The following ENOX2 variants were observed in gnomAD, a reference collection of about 807,000 sequenced individuals.
ENOX2 encodes the protein APK1 antigen.
In ENOX2, 36 loss-of-function variants were observed where a neutral mutation model predicts 45.0. That is an observed-to-expected ratio of 0.80 (90% CI 0.61 to 1.06). ENOX2 has a LOEUF of 1.06. Among genes scored for constraint, ENOX2 ranks in the 50% least tolerant of loss-of-function variants. The pLI is 0.00. For synonymous variants in ENOX2, 174 were observed against 152.3 expected, an observed-to-expected ratio of 1.14 and a Z score of -1.05; for missense variants, 423 against 462.5, an observed-to-expected ratio of 0.91 and a Z score of 0.78.
At chrX:130,751,096 T>A (rs967437397) in intron 3 of ENOX2, among the ~76,000 whole-genome samples, 1 of 111,702 alleles carries the variant, frequency 9.0e-6, no homozygotes, top group Non-Finnish European at 1.9e-5. Context: ...TGGAATTAAG[T>A]ACATTCACAC....
At chrX:130,825,417 G>A (rs1472909546) in intron 2 of ENOX2, among the ~76,000 whole-genome samples, 1 of 111,077 alleles carries the variant, frequency 9.0e-6, no homozygotes, top group Non-Finnish European at 1.9e-5. Context: ...CATTAGGGAA[G>A]GGCACAAAGT....
intron 3 of ENOX2, among the ~76,000 whole-genome samples, chrX:130,770,148 C>G (rs1354614652): frequency 1.8e-5 from 2 of 111,707 alleles, no homozygotes; most frequent in Non-Finnish European, 3.8e-5. Flanking sequence ...TAGCACATAC[C>G]AGATTCCACA....
intron 2 of ENOX2, among the ~76,000 whole-genome samples, chrX:130,794,872 G>A (rs1569502947): frequency 8.9e-6 from 1 of 111,950 alleles, no homozygotes; most frequent in Non-Finnish European, 1.9e-5. Flanking sequence ...CAATCACTAT[G>A]CTACAATTTT....
At chrX:130,627,923 A>AT in intron 14 of ENOX2, 35 bp downstream of exon 14, 1 of 1,017,895 alleles carries the variant, frequency 9.8e-7, no homozygotes, top group Non-Finnish European at 1.4e-6. Context: ...AAAATCCCAC[A>AT]TCCCCTTGCA....
intron 1 of ENOX2, among the ~76,000 whole-genome samples, chrX:130,902,298 T>C (rs1321882103): frequency 8.9e-6 from 1 of 111,814 alleles, no homozygotes; most frequent in Non-Finnish European, 1.9e-5. Context: ...TGGAAACCCC[T>C]AAAGCGCTGG....
chrX:130,796,364 AAT>A (rs1466466803), intron 2 of ENOX2, among the ~76,000 whole-genome samples: 1 of 111,639 alleles, frequency 9.0e-6, no homozygotes, highest in Non-Finnish European at 1.9e-5. Context: ...AGCACAGTCC[AAT>A]AGAAGCATAT....
chrX:130,893,453 T>C (rs1005367278), intron 2 of ENOX2, among the ~76,000 whole-genome samples: 4 of 112,339 alleles, frequency 3.6e-5, no homozygotes, highest in Non-Finnish European at 5.6e-5. Context: ...CCACTGTAAG[T>C]AATGGAATGC....
chrX:130,683,152 A>G (rs1352544835), intron 5 of ENOX2, among the ~76,000 whole-genome samples: 1 of 112,090 alleles, frequency 8.9e-6, no homozygotes, highest in Non-Finnish European at 1.9e-5. Context: ...CTGGGGAGCT[A>G]TGTTGGGGCA....
chrX:130,782,821 T>C (rs1432926415), intron 3 of ENOX2, among the ~76,000 whole-genome samples: 1 of 109,699 alleles, frequency 9.1e-6, no homozygotes, highest in South Asian at 3.9e-4. Context: ...GGCTCTCCTA[T>C]GGTTTTCTCA....
chrX:130,734,185 G>A (rs190283595), intron 3 of ENOX2, among the ~76,000 whole-genome samples: 15 of 111,544 alleles, frequency 1.3e-4, no homozygotes, highest in African/African-American at 4.6e-4. Flanking sequence ...TCCTCTCACC[G>A]GGATATTAGT....
At chrX:130,825,416 A>T (rs1053201033) in intron 2 of ENOX2, among the ~76,000 whole-genome samples, 1 of 111,293 alleles carries the variant, frequency 9.0e-6, no homozygotes, top group African/African-American at 3.3e-5. Flanking sequence ...TCATTAGGGA[A>T]GGGCACAAAG....
intron 5 of ENOX2, among the ~76,000 whole-genome samples, chrX:130,687,428 T>C (rs1370259392): frequency 2.7e-5 from 3 of 112,480 alleles, no homozygotes; most frequent in African/African-American, 9.7e-5. Context: ...AAAGGTACTA[T>C]CAGGAATACA....
chrX:130,877,195 C>T (rs889842114), intron 2 of ENOX2, among the ~76,000 whole-genome samples: 11 of 111,546 alleles, frequency 9.9e-5, no homozygotes, highest in East Asian at 2.8e-4. Flanking sequence ...TATTATTATA[C>T]GAAATAATAA....
In ENOX2 at chrX:130,703,247, G is replaced by A. The variant is rs780985544; in HGVS notation, c.-31C>T. The A allele has an allele frequency of 6.7e-6, 8 of 1,186,236 alleles. No individual in the cohort carries two copies. Among genetic ancestry groups the A allele is most frequent in the Admixed American group, 2.4e-5 (1 of 42,453 alleles). On this transcript the variant is annotated 5_prime_UTR_variant, in exon 4 of 15. Coordinates refer to ENST00000394363, the MANE Select transcript of ENOX2 (RefSeq NM_006375.4). ...TGGAATCCACGTTCAGAGTTCTACTGTTATCGGCTGAAAAGAAATGACAAG... is the reference window on the plus strand; with the variant it reads ...TGGAATCCACGTTCAGAGTTCTACTATTATCGGCTGAAAAGAAATGACAAG...
chrX:130,819,310 AG>A (rs1443747339), intron 2 of ENOX2, among the ~76,000 whole-genome samples: 2 of 112,007 alleles, frequency 1.8e-5, no homozygotes, highest in Non-Finnish European at 3.8e-5. Flanking sequence ...TGTGGAAGAC[AG>A]TGTGGCAATT....
chrX:130,734,146 C>A (rs1350657800), intron 3 of ENOX2, among the ~76,000 whole-genome samples: 1 of 111,830 alleles, frequency 8.9e-6, no homozygotes, highest in African/African-American at 3.2e-5. Context: ...GAAAGCAAGG[C>A]AGAGTTTTCC....
chrX:130,851,048 T>C (rs1184598529), intron 2 of ENOX2, among the ~76,000 whole-genome samples: 1 of 112,495 alleles, frequency 8.9e-6, no homozygotes, highest in Admixed American at 9.4e-5. Context: ...AGAAACAATA[T>C]AATTTCTGAA....
At chrX:130,732,597 A>G (rs934072789) in intron 3 of ENOX2, among the ~76,000 whole-genome samples, 4 of 111,804 alleles carry the variant, frequency 3.6e-5, no homozygotes, top group Admixed American at 9.5e-5. Flanking sequence ...CCTGATTTAA[A>G]AACTATTACA....
intron 11 of ENOX2, 39 bp from the exon 12 acceptor site, chrX:130,635,130 C>A: frequency 1.3e-6 from 1 of 777,090 alleles, no homozygotes; most frequent in Non-Finnish European, 1.9e-6. Flanking sequence ...TTATGAATTA[C>A]GGAGCCACAC....
Sources: gnomAD v4.1 joint callset for allele counts (sites outside exome capture counted in the v4.1 genomes callset) on GRCh38, gnomAD v4.1.1 for gene constraint, MANE v1.5 for transcripts, NCBI Gene and HGNC (gene_info 2026-07-23, HGNC 2026-07-21) for gene names.